The following NKAIN2 variants were observed in gnomAD, a reference collection of about 807,000 sequenced individuals.
NKAIN2 encodes the protein sodium/potassium-transporting ATPase subunit beta-1-interacting protein 2.
NKAIN2 carries 14 observed loss-of-function variants against 32.6 expected under a neutral mutation model. That is an observed-to-expected ratio of 0.43 (90% CI 0.28 to 0.67). The LOEUF (loss-of-function observed/expected upper bound fraction) is 0.67, where lower values mean the gene tolerates loss of function less well. Among genes scored for constraint, NKAIN2 ranks in the 30% least tolerant of loss-of-function variants. The pLI is 0.17. For missense variants in NKAIN2, 198 were observed against 258.3 expected, an observed-to-expected ratio of 0.77 and a Z score of 1.60; for synonymous variants, 80 against 87.2, an observed-to-expected ratio of 0.92 and a Z score of 0.46.
At chr6:124,694,582 T>G (rs1345542901) in intron 4 of NKAIN2, among the ~76,000 whole-genome samples, 2 of 152,184 alleles carry the variant, frequency 1.3e-5, no homozygotes, top group African/African-American at 4.8e-5. Context: ...GACAACAGCT[T>G]GAATCCAGCA....
At chr6:123,904,398 A>G (rs374315468) in intron 1 of NKAIN2, among the ~76,000 whole-genome samples, 2 of 152,204 alleles carry the variant, frequency 1.3e-5, no homozygotes, top group East Asian at 3.8e-4. Flanking sequence ...TGTTCTTATC[A>G]TCTTCAAACA....
intron 1 of NKAIN2, among the ~76,000 whole-genome samples, chr6:124,038,643 G>T (rs1233296695): frequency 6.6e-6 from 1 of 151,970 alleles, no homozygotes; most frequent in Non-Finnish European, 1.5e-5. Context: ...TCTAAGTTTT[G>T]GCACATATAA....
At chr6:124,757,849 A>C (rs1030592309) in intron 4 of NKAIN2, among the ~76,000 whole-genome samples, 2 of 152,200 alleles carry the variant, frequency 1.3e-5, no homozygotes, top group Non-Finnish European at 2.9e-5. Flanking sequence ...CAAATAGGAA[A>C]GTCAATGTTA....
At chr6:124,766,715 C>T (rs1232815063) in intron 4 of NKAIN2, among the ~76,000 whole-genome samples, 2 of 152,126 alleles carry the variant, frequency 1.3e-5, no homozygotes, top group African/African-American at 4.8e-5. Flanking sequence ...AAGCTAGGCT[C>T]TTGAGTATAT....
At chr6:124,806,819 A>AGGATGGAGG (rs1307158211) in intron 5 of NKAIN2, among the ~76,000 whole-genome samples, 22 of 151,624 alleles carry the variant, frequency 1.5e-4, no homozygotes, top group South Asian at 4.2e-4. Context: ...GGAAAACAAA[A>AGGATGGAGG]AAAGGCAGGG....
At chr6:123,901,187 G>T (rs1774569584) in intron 1 of NKAIN2, among the ~76,000 whole-genome samples, 1 of 151,964 alleles carries the variant, frequency 6.6e-6, no homozygotes, top group African/African-American at 2.4e-5. Flanking sequence ...AATTTTATTT[G>T]TTTGTTCTTT....
rs115327394 is a variant in NKAIN2 at position 123,901,094 on chromosome 6, G to A, written c.54+96840G>A. 8.2e-3 allele frequency among the ~76,000 whole-genome samples: 1,244 copies of A among 152,170 alleles called. 14 individuals carry two copies. Among genetic ancestry groups the A allele is most frequent in the African/African-American group, 0.028 (1,159 of 41,522 alleles). ...TCTTCTTCTAAAAGTTGTCTTTTGT[G>A]TTGATATTATTGTCCTTAGTATTTT... On this transcript the variant is annotated intron_variant, in intron 1 of 6. Coordinates refer to ENST00000368417, the MANE Select transcript of NKAIN2 (RefSeq NM_001040214.3).
rs116945656 is a variant in NKAIN2, at chr6:124,245,128, G to A, written c.55-37877G>A. Among the ~76,000 whole-genome samples, 27 of 152,080 alleles carry A rather than the reference G, an allele frequency of 1.8e-4. No homozygotes were observed. In the East Asian group the frequency reaches 5.0e-3, roughly 28 times the overall value. The stretch of plus-strand genomic sequence containing the variant: ...GCTATTTCTCAGGTGTTTGCGCTTG[G>A]CCAACCCTAGTGACATTTTCCTATG... On this transcript the variant is annotated intron_variant, in intron 1 of 6. Coordinates refer to ENST00000368417, the MANE Select transcript of NKAIN2 (RefSeq NM_001040214.3).
chr6:124,574,573 C>T (rs1394665202), intron 3 of NKAIN2, among the ~76,000 whole-genome samples: 2 of 152,100 alleles, frequency 1.3e-5, no homozygotes, highest in African/African-American at 2.4e-5. Context: ...GAGCTGAGAT[C>T]GCCCCAGTGC....
At chr6:123,988,980 A>C (rs1347515344) in intron 1 of NKAIN2, among the ~76,000 whole-genome samples, 1 of 151,782 alleles carries the variant, frequency 6.6e-6, no homozygotes, top group East Asian at 1.9e-4. Context: ...AAAGGTGTTT[A>C]ATTTCGATCT....
chr6:123,875,159 TTTA>T (rs1351215711), intron 1 of NKAIN2, among the ~76,000 whole-genome samples: 1 of 152,010 alleles, frequency 6.6e-6, no homozygotes, highest in African/African-American at 2.4e-5. Flanking sequence ...AGATTTTTCT[TTTA>T]TAGTAAATAA....
At chr6:124,806,135 A>G (rs1449357642) in intron 5 of NKAIN2, among the ~76,000 whole-genome samples, 2 of 152,154 alleles carry the variant, frequency 1.3e-5, no homozygotes, top group African/African-American at 4.8e-5. Flanking sequence ...GGAAATACAG[A>G]GAACACCACA....
chr6:124,156,907 A>G (rs1439925026), intron 1 of NKAIN2, among the ~76,000 whole-genome samples: 1 of 151,846 alleles, frequency 6.6e-6, no homozygotes, highest in East Asian at 1.9e-4. Context: ...GTTCCAGACC[A>G]GCCTGGCCAA....
chr6:123,976,348 C>CATATAT lies in NKAIN2; in HGVS notation c.54+172109_54+172114dup, dbSNP rs3039590. Among the ~76,000 whole-genome samples the CATATAT allele has an allele frequency of 6.3e-3, 86 of 13,712 alleles. 6 individuals carry two copies. The highest frequency in any genetic ancestry group is 0.011 in the Non-Finnish European group (76 of 6,632). 9.0% of individuals were successfully genotyped at this position (13,712 alleles called of 152,430 possible). On this transcript the variant is annotated intron_variant, in intron 1 of 6. Transcript: ENST00000368417. The stretch of plus-strand genomic sequence containing the variant: ...ATGTTCCCATATATATATATGTTCC[C>CATATAT]ATATATATATATATATATATTCCCA...
intron 1 of NKAIN2, among the ~76,000 whole-genome samples, chr6:124,234,782 A>C (rs756053658): frequency 1.9e-4 from 29 of 152,214 alleles, no homozygotes; most frequent in Non-Finnish European, 3.5e-4. Flanking sequence ...CAGATTCTAA[A>C]TAATATTCTA....
intron 1 of NKAIN2, among the ~76,000 whole-genome samples, chr6:124,234,420 A>G (rs1215328680): frequency 6.6e-6 from 1 of 152,178 alleles, no homozygotes; most frequent in Non-Finnish European, 1.5e-5. Context: ...AGAAAAGAAT[A>G]ATTCCAAGTG....
intron 3 of NKAIN2, among the ~76,000 whole-genome samples, chr6:124,378,405 T>C (rs1056825077): frequency 2.0e-5 from 3 of 152,064 alleles, no homozygotes; most frequent in African/African-American, 4.8e-5. Context: ...TGCCCTGGGT[T>C]TTATACCCTA....
chr6:123,893,247 T>C (rs1774104750), intron 1 of NKAIN2, among the ~76,000 whole-genome samples: 1 of 152,160 alleles, frequency 6.6e-6, no homozygotes, highest in Non-Finnish European at 1.5e-5. Flanking sequence ...GTCACCTAGG[T>C]TGGAGTACAG....
chr6:124,249,294 G>C (rs140657115), intron 1 of NKAIN2, among the ~76,000 whole-genome samples: 1 of 152,018 alleles, frequency 6.6e-6, no homozygotes, highest in African/African-American at 2.4e-5. Context: ...TTCCTCTGTC[G>C]AAGTGAGTGG....
Sources: gnomAD v4.1 joint callset for allele counts (sites outside exome capture counted in the v4.1 genomes callset) on GRCh38, gnomAD v4.1.1 for gene constraint, MANE v1.5 for transcripts, NCBI Gene and HGNC (gene_info 2026-07-23, HGNC 2026-07-21) for gene names.